PKIG: variants seen among roughly 807,000 people sequenced by gnomAD.
PKIG encodes cAMP-dependent protein kinase inhibitor gamma.
PKIG carries 1 observed loss-of-function variant against 6.8 expected under a neutral mutation model. That is an observed-to-expected ratio of 0.15 (90% confidence interval 0.05 to 0.69). The LOEUF is 0.69. PKIG is among the 30% of genes least tolerant of loss of function. The pLI, the probability that PKIG is intolerant of heterozygous loss-of-function variation, is 0.82. For synonymous variants in PKIG, 39 were observed against 43.0 expected (o/e 0.91, Z 0.36); for missense variants, 77 against 104.0 (o/e 0.74, Z 1.13).
At chr20:44,544,884 T>C (rs1014442334) in intron 1 of PKIG, among the ~76,000 whole-genome samples, 32 of 151,468 alleles carry the variant, frequency 2.1e-4, no homozygotes, top group Non-Finnish European at 1.0e-4. Context: ...ACTTTCCTCT[T>C]TCTTTTCTTT....
rs552572580 is a variant in PKIG at position 44,594,630 on chromosome 20, C to G, written c.-24+4764C>G. 5.3e-5 allele frequency among the ~76,000 whole-genome samples: 8 copies of G among 152,340 alleles called. No homozygotes were observed. In the East Asian group the frequency reaches 1.3e-3, roughly 26 times the overall value. On this transcript the variant is annotated intron_variant, in intron 2 of 3. Transcript: ENST00000372886. ...GGTGGAGCCCCGATTCATACAGGCT[C>G]TGACCCATAGCTTAAGCTTACTTGC...
At chr20:44,592,871 A>G (rs1384816648) in intron 2 of PKIG, among the ~76,000 whole-genome samples, 1 of 152,218 alleles carries the variant, frequency 6.6e-6, no homozygotes, top group African/African-American at 2.4e-5. Context: ...AAATGTCCAT[A>G]CTACCCAAAG....
At chr20:44,545,413 A>G (rs1248345110) in intron 1 of PKIG, among the ~76,000 whole-genome samples, 4 of 152,238 alleles carry the variant, frequency 2.6e-5, no homozygotes, top group Non-Finnish European at 5.9e-5. Flanking sequence ...TACTGCTTTT[A>G]TGAAAAATAA....
At chr20:44,605,158 C>G (rs1367806370) in intron 2 of PKIG, among the ~76,000 whole-genome samples, 2 of 152,108 alleles carry the variant, frequency 1.3e-5, no homozygotes, top group Non-Finnish European at 2.9e-5. Context: ...GTAATCCCAG[C>G]ACTTTGGGAG....
At position 44,588,514 on chromosome 20, in the gene PKIG, C is replaced by T. The variant is rs1245901894; in HGVS notation, c.-93-1283C>T. The stretch of plus-strand genomic sequence containing the variant: ...CAAAAATTAGCCGGGCGCGGTGGCA[C>T]GCACCTGCAGTCCCAGCTACTTGGG... On this transcript the variant is annotated intron_variant, in intron 1 of 3. Coordinates refer to ENST00000372886, the MANE Select transcript of PKIG (RefSeq NM_001281445.2). Among the ~76,000 whole-genome samples, 7 of 152,066 alleles carry T rather than the reference C, an allele frequency of 4.6e-5. No individual in the cohort carries two copies. In the East Asian group the frequency reaches 5.8e-4, roughly 13 times the overall value.
chr20:44,609,712 G>A (rs112700259), intron 2 of PKIG, among the ~76,000 whole-genome samples: 2,586 of 152,318 alleles, frequency 0.017, 31 homozygotes, highest in Non-Finnish European at 0.026. Context: ...CCGTGGAGCT[G>A]ACAGTCTAAC....
Position 44,618,712 on chromosome 20 carries a change from G to C in PKIG, c.*348G>C, listed in dbSNP as rs1045370869. On this transcript the variant is annotated 3_prime_UTR_variant, in exon 4 of 4. Transcript: ENST00000372886. ...TCCTCTCGCGAGCGGCCCGGGCAGG[G>C]ACCCTGTCCCAACACCAACACCTCC... The C allele has an allele frequency of 5.6e-5, 12 of 215,416 alleles. No homozygotes were observed. The highest frequency in any genetic ancestry group is 4.7e-4 in the South Asian group (6 of 12,652). The allele number at this position is 215,416 out of a possible 1,614,324, so 13.3% of individuals were successfully genotyped here.
At chr20:44,586,438 C>T (rs1441220696) in intron 1 of PKIG, among the ~76,000 whole-genome samples, 1 of 152,180 alleles carries the variant, frequency 6.6e-6, no homozygotes, top group Non-Finnish European at 1.5e-5. Flanking sequence ...CTCTTCAAAC[C>T]AAGCCTCAGC....
chr20:44,556,611 C>T (rs2064715851), intron 1 of PKIG, among the ~76,000 whole-genome samples: 1 of 152,098 alleles, frequency 6.6e-6, no homozygotes, highest in South Asian at 2.1e-4. Flanking sequence ...GATCTGCCCC[C>T]CTTGTCCTCT....
rs756601237 is a variant in PKIG at position 44,606,787 on chromosome 20, C to T, written c.-23-7747C>T. ...CCATGCCACTGCATTCCAGCATGGG[C>T]GACAGAACAAGACTCCATCAAATAA... On this transcript the variant is annotated intron_variant, in intron 2 of 3. Transcript: ENST00000372886. Among the ~76,000 whole-genome samples the T allele has an allele frequency of 6.3e-4, 96 of 152,094 alleles. 2 individuals carry two copies. The highest frequency in any genetic ancestry group is 2.6e-4 in the Non-Finnish European group (18 of 68,012).
intron 1 of PKIG, among the ~76,000 whole-genome samples, chr20:44,558,635 T>TTTCTTTTTCA (rs1491188298): frequency 6.1e-5 from 9 of 148,476 alleles, no homozygotes; most frequent in African/African-American, 2.1e-4. Flanking sequence ...TTTTTCATTC[T>TTTCTTTTTCA]TTCTTTTTTT....
At chr20:44,567,477 T>C (rs765925393) in intron 1 of PKIG, among the ~76,000 whole-genome samples, 17 of 152,248 alleles carry the variant, frequency 1.1e-4, no homozygotes, top group Admixed American at 1.3e-4. Flanking sequence ...TTTATTTTCC[T>C]TTTCTTCAGC....
chr20:44,535,141 G>C (rs1406425138), intron 1 of PKIG, among the ~76,000 whole-genome samples: 1 of 152,120 alleles, frequency 6.6e-6, no homozygotes, highest in Non-Finnish European at 1.5e-5. Flanking sequence ...TAAATACTTA[G>C]AAATAAACTT....
chr20:44,615,531 C>A (rs1385110826), intron 3 of PKIG, among the ~76,000 whole-genome samples: 1 of 152,134 alleles, frequency 6.6e-6, no homozygotes, highest in Non-Finnish European at 1.5e-5. Flanking sequence ...TCCATTCCCC[C>A]AGAGAACCCC....
At chr20:44,610,485 T>TC (rs757695204) in intron 2 of PKIG, among the ~76,000 whole-genome samples, 6,411 of 128,642 alleles carry the variant, frequency 0.05, 200 homozygotes, top group African/African-American at 0.1. Context: ...TCTCTCTCTC[T>TC]TCTCTCTCTC....
At chr20:44,609,550 G>T (rs923071243) in intron 2 of PKIG, among the ~76,000 whole-genome samples, 1 of 152,218 alleles carries the variant, frequency 6.6e-6, no homozygotes, top group African/African-American at 2.4e-5. Context: ...TCAGAGGCCC[G>T]AGAGTGAAAT....
At chr20:44,540,563 GT>G (rs139173086) in intron 1 of PKIG, among the ~76,000 whole-genome samples, 11 of 149,584 alleles carry the variant, frequency 7.4e-5, no homozygotes, top group East Asian at 3.9e-4. Flanking sequence ...TTTTTGTTTT[GT>G]TTTTTTTTGT....
intron 1 of PKIG, among the ~76,000 whole-genome samples, chr20:44,573,096 A>G (rs1238898338): frequency 3.3e-5 from 5 of 152,232 alleles, no homozygotes. Flanking sequence ...GTAGAGTGGC[A>G]CTGGTTGTCA....
At chr20:44,612,635 G>A (rs920909373) in intron 2 of PKIG, among the ~76,000 whole-genome samples, 2 of 152,144 alleles carry the variant, frequency 1.3e-5, no homozygotes, top group Admixed American at 1.3e-4. Context: ...ACAATCTTGT[G>A]TGCTACTGGT....
Sources: gnomAD v4.1 joint callset for allele counts (sites outside exome capture counted in the v4.1 genomes callset) on GRCh38, gnomAD v4.1.1 for gene constraint, MANE v1.5 for transcripts, NCBI Gene and HGNC (gene_info 2026-07-23, HGNC 2026-07-21) for gene names.